RELN: variants seen among roughly 807,000 people sequenced by gnomAD.
RELN encodes reelin.
Under a neutral mutation model 427.6 loss-of-function variants are expected in RELN, and 108 were observed. That is an observed-to-expected ratio of 0.25 (90% CI 0.22 to 0.30). RELN has a LOEUF of 0.30. RELN is among the 10% of genes least tolerant of loss of function. The probability of loss-of-function intolerance (pLI) is 1.00; values close to 1 mark genes in which losing one functional copy is unlikely to be tolerated. For missense variants in RELN, 3,715 were observed against 4,302.8 expected, an observed-to-expected ratio of 0.86 and a Z score of 3.82; for synonymous variants, 1,524 against 1,513.4, an observed-to-expected ratio of 1.01 and a Z score of -0.16.
intron 54 of RELN, 53 bp downstream of exon 54, chr7:103,498,024 T>G: frequency 1.2e-6 from 2 of 1,605,916 alleles, no homozygotes; most frequent in South Asian, 1.1e-5. Context: ...TTCCTTGCTT[T>G]GGGACCAATT....
At chr7:103,642,551 T>C (rs1832715822) in intron 16 of RELN, among the ~76,000 whole-genome samples, 1 of 152,064 alleles carries the variant, frequency 6.6e-6, no homozygotes, top group South Asian at 2.1e-4. Flanking sequence ...CCATATATCT[T>C]TACCCTTTCC....
chr7:103,906,297 G>A (rs918609737), intron 2 of RELN, among the ~76,000 whole-genome samples: 23 of 152,196 alleles, frequency 1.5e-4, no homozygotes, highest in Admixed American at 7.9e-4. Context: ...ATAACCTCCC[G>A]CAAGTTACTT....
intron 41 of RELN, among the ~76,000 whole-genome samples, chr7:103,547,966 G>A (rs1018242472): frequency 1.3e-5 from 2 of 152,114 alleles, no homozygotes; most frequent in African/African-American, 4.8e-5. Context: ...ACCCTCCTTG[G>A]TGAATGTCAG....
At chr7:103,979,510 G>A (rs1201631889) in intron 1 of RELN, among the ~76,000 whole-genome samples, 1 of 152,214 alleles carries the variant, frequency 6.6e-6, no homozygotes, top group African/African-American at 2.4e-5. Flanking sequence ...AACAGAAAGT[G>A]ATTTTTGAAG....
chr7:103,846,869 C>CGAT (rs140173501), intron 2 of RELN, among the ~76,000 whole-genome samples: 21,349 of 152,116 alleles, frequency 0.14, 1,682 homozygotes, highest in East Asian at 0.29. Flanking sequence ...AGCCACAGTG[C>CGAT]GATGCCATCT....
chr7:103,742,029 C>T (rs1169565343), intron 6 of RELN, among the ~76,000 whole-genome samples: 1 of 152,136 alleles, frequency 6.6e-6, no homozygotes, highest in Non-Finnish European at 1.5e-5. Context: ...TAGGGGCGGA[C>T]TGACACCGCA....
At chr7:103,796,136 T>C (rs1792292659) in intron 3 of RELN, among the ~76,000 whole-genome samples, 1 of 152,232 alleles carries the variant, frequency 6.6e-6, no homozygotes, top group Admixed American at 6.5e-5. Context: ...GTAAATTATT[T>C]TGGAACACTG....
intron 4 of RELN, among the ~76,000 whole-genome samples, chr7:103,759,147 A>G (rs1213091357): frequency 6.6e-5 from 10 of 152,168 alleles, no homozygotes; most frequent in Non-Finnish European, 2.9e-5. Flanking sequence ...AAAAAATTCA[A>G]CTGTACTATT....
Position 103,989,656 on chromosome 7 carries a change from T to A in RELN, c.-300A>T, listed in dbSNP as rs1206929762. On this transcript the variant is annotated 5_prime_UTR_variant, in exon 1 of 65. Transcript: ENST00000428762. This position sits in a 1 kb window ranked among gnomAD's most constrained non-coding sequence, Gnocchi z 4.9. Reference sequence around the variant, plus strand: ...CTGCGCGACGCCCCTCGGCCAGGCCTGGGAAAGCGCCCGCCCCGCTCCACA... The same window carrying A: ...CTGCGCGACGCCCCTCGGCCAGGCCAGGGAAAGCGCCCGCCCCGCTCCACA... 7.1e-6 allele frequency: 2 copies of A among 280,462 alleles called. No individual in the cohort carries two copies. The highest frequency in any genetic ancestry group is 1.3e-5 in the Non-Finnish European group (2 of 155,330). 17.4% of individuals were successfully genotyped at this position (280,462 alleles called of 1,614,324 possible). A position where few individuals can be genotyped will look rare whatever the true frequency, so the allele number is the denominator to read the frequency against.
At chr7:103,644,198 C>T (rs1832750748) in intron 16 of RELN, among the ~76,000 whole-genome samples, 1 of 151,620 alleles carries the variant, frequency 6.6e-6, no homozygotes. Context: ...ATTCTGGAAG[C>T]ATGCAAAAAC....
chr7:103,602,343 A>C (rs1831690920), intron 24 of RELN, among the ~76,000 whole-genome samples: 1 of 152,218 alleles, frequency 6.6e-6, no homozygotes, highest in Non-Finnish European at 1.5e-5. Flanking sequence ...ATATACCCAA[A>C]GGATTATAAA....
intron 61 of RELN, chr7:103,484,435 G>A (rs1828354443): frequency 6.3e-6 from 1 of 158,874 alleles, no homozygotes; most frequent in African/African-American, 2.4e-5. Flanking sequence ...CGCACATGGA[G>A]CGGTGAGGGA....
intron 2 of RELN, among the ~76,000 whole-genome samples, chr7:103,877,507 C>G (rs1584323957): frequency 6.6e-6 from 1 of 152,180 alleles, no homozygotes; most frequent in South Asian, 2.1e-4. Context: ...TCTATTCCCT[C>G]TGCCACCATC....
intron 9 of RELN, among the ~76,000 whole-genome samples, chr7:103,699,293 A>G (rs1056419862): frequency 6.6e-6 from 1 of 152,168 alleles, no homozygotes. Flanking sequence ...AATTGTCACC[A>G]TAGGTTATAG....
intron 2 of RELN, among the ~76,000 whole-genome samples, chr7:103,857,320 T>C (rs1404430): frequency 0.13 from 20,099 of 152,136 alleles, 1,753 homozygotes; most frequent in East Asian, 0.34. Flanking sequence ...GAGAGCACCA[T>C]AGCAGTATTG....
intron 41 of RELN, among the ~76,000 whole-genome samples, chr7:103,546,018 A>G (rs963559856): frequency 6.6e-6 from 1 of 152,232 alleles, no homozygotes; most frequent in African/African-American, 2.4e-5. Flanking sequence ...AAGATTAAGC[A>G]TTAACCATTT....
intron 8 of RELN, among the ~76,000 whole-genome samples, chr7:103,714,039 C>A (rs1789874261): frequency 6.6e-6 from 1 of 152,274 alleles, no homozygotes; most frequent in African/African-American, 2.4e-5. Flanking sequence ...TGAACAGTAT[C>A]TAAAATATGA....
chr7:103,853,826 T>G (rs1793880695), intron 2 of RELN, among the ~76,000 whole-genome samples: 1 of 151,944 alleles, frequency 6.6e-6, no homozygotes, highest in African/African-American at 2.4e-5. Context: ...GATAAAAAAG[T>G]TTACTAATAG....
chr7:103,806,164 GA>G (rs1376197010), intron 3 of RELN, among the ~76,000 whole-genome samples: 1 of 152,098 alleles, frequency 6.6e-6, no homozygotes, highest in Non-Finnish European at 1.5e-5. Flanking sequence ...ATCAAGAAGA[GA>G]AAAAGAGCCA....
Sources: gnomAD v4.1 joint callset for allele counts (sites outside exome capture counted in the v4.1 genomes callset) on GRCh38, gnomAD v4.1.1 for gene constraint, Gnocchi (gnomAD v3.1) non-coding constraint, MANE v1.5 for transcripts, NCBI Gene and HGNC (gene_info 2026-07-23, HGNC 2026-07-21) for gene names.